The following KIAA1217 variants were observed in gnomAD, a reference collection of about 807,000 sequenced individuals.
The protein encoded by KIAA1217 is sickle tail protein homolog.
A neutral mutation model predicts 163.9 loss-of-function variants in KIAA1217; 88 were observed. That is an observed-to-expected ratio of 0.54 (90% CI 0.45 to 0.64). The LOEUF (loss-of-function observed/expected upper bound fraction) is 0.64. Among genes scored for constraint, KIAA1217 ranks in the 30% least tolerant of loss-of-function variants. The pLI is 0.00. For missense variants in KIAA1217, 2,372 were observed against 2,475.0 expected (o/e 0.96, Z 0.88); for synonymous variants, 903 against 923.1 (o/e 0.98, Z 0.39).
intron 2 of KIAA1217, among the ~76,000 whole-genome samples, chr10:24,273,429 G>A (rs148229326): frequency 3.9e-4 from 60 of 152,042 alleles, no homozygotes; most frequent in African/African-American, 1.4e-3. Flanking sequence ...TTATTTTTAT[G>A]TTCTTCCTTT....
chr10:23,878,971 G>A (rs891169472), intron 1 of KIAA1217, among the ~76,000 whole-genome samples: 4 of 151,930 alleles, frequency 2.6e-5, no homozygotes, highest in African/African-American at 7.2e-5. Context: ...AGAACATGTG[G>A]AATTGGGATA....
intron 2 of KIAA1217, among the ~76,000 whole-genome samples, chr10:24,043,860 G>A (rs952550108): frequency 2.6e-5 from 4 of 152,028 alleles, no homozygotes; most frequent in Admixed American, 6.6e-5. Flanking sequence ...TTTTTAAATA[G>A]ACTTAGTGGG....
intron 17 of KIAA1217, among the ~76,000 whole-genome samples, chr10:24,539,374 G>A (rs890633395): frequency 1.3e-5 from 2 of 151,904 alleles, no homozygotes; most frequent in African/African-American, 2.4e-5. Flanking sequence ...GACTACAGGC[G>A]TGCACCACCA....
intron 2 of KIAA1217, among the ~76,000 whole-genome samples, chr10:24,059,739 AG>A (rs1334377122): frequency 2.0e-5 from 3 of 151,986 alleles, no homozygotes; most frequent in Non-Finnish European, 4.4e-5. Flanking sequence ...CACTGCACCC[AG>A]GTTATTTTTT....
chr10:23,898,660 ATAT>A (rs1841815444), intron 1 of KIAA1217, among the ~76,000 whole-genome samples: 1 of 152,020 alleles, frequency 6.6e-6, no homozygotes, highest in East Asian at 1.9e-4. Flanking sequence ...ATATTGTTAA[ATAT>A]ATTCATATTG....
intron 1 of KIAA1217, among the ~76,000 whole-genome samples, chr10:24,006,357 T>C (rs1846997578): frequency 6.6e-6 from 1 of 152,148 alleles, no homozygotes; most frequent in South Asian, 2.1e-4. Context: ...TCATTTTCCT[T>C]CTCCTTAAAA....
intron 1 of KIAA1217, among the ~76,000 whole-genome samples, chr10:23,984,282 C>T (rs1845882897): frequency 2.0e-5 from 3 of 152,148 alleles, no homozygotes; most frequent in Admixed American, 2.0e-4. Context: ...TCTGTCTATT[C>T]CTGCCTATAT....
chr10:23,989,341 A>G (rs1157355474), intron 1 of KIAA1217, among the ~76,000 whole-genome samples: 1 of 152,234 alleles, frequency 6.6e-6, no homozygotes, highest in Non-Finnish European at 1.5e-5. Flanking sequence ...TCATAAAGAA[A>G]TGGAGACCCC....
chr10:24,434,025 C>CTTTTTTTT (rs569791889), intron 4 of KIAA1217, among the ~76,000 whole-genome samples: 2 of 72,628 alleles, frequency 2.8e-5, no homozygotes, highest in Non-Finnish European at 4.6e-5. Flanking sequence ...CTCTCTCTCT[C>CTTTTTTTT]TTTTTTTTTT....
At position 24,508,508 on chromosome 10, in the gene KIAA1217, GAAAT is replaced by G. The variant is rs2068667016; in HGVS notation, c.2002-4749_2002-4746del. Among the ~76,000 whole-genome samples, 5 of 152,116 alleles carry G rather than the reference GAAAT, an allele frequency of 3.3e-5. No individual in the cohort carries two copies. The South Asian group carries it at 1.0e-3, about 32-fold the overall frequency. ...AGCAAGTTCAGTATGGCTAGAGAAA[GAAAT>G]AGAGTCACACAAATCGAAATGTAAA... On this transcript the variant is annotated intron_variant, in intron 9 of 20. Transcript: ENST00000376454.
chr10:24,097,746 C>G (rs2062219261), intron 2 of KIAA1217, among the ~76,000 whole-genome samples: 2 of 152,212 alleles, frequency 1.3e-5, no homozygotes, highest in Admixed American at 1.3e-4. Context: ...ATTTCAAAGA[C>G]TGTCTGCATA....
chr10:24,203,052 T>C (rs2067349593), intron 2 of KIAA1217, among the ~76,000 whole-genome samples: 1 of 151,794 alleles, frequency 6.6e-6, no homozygotes, highest in African/African-American at 2.4e-5. Context: ...TAGCCAGGCA[T>C]GGTGGAGTGT....
At chr10:23,769,398 G>A (rs1834697625) in intron 1 of KIAA1217, among the ~76,000 whole-genome samples, 1 of 152,160 alleles carries the variant, frequency 6.6e-6, no homozygotes, top group Non-Finnish European at 1.5e-5. Context: ...AGCAATTGAG[G>A]GGAGGGGGGA....
chr10:24,436,496 C>T (rs983775913), intron 4 of KIAA1217, among the ~76,000 whole-genome samples: 11 of 149,796 alleles, frequency 7.3e-5, no homozygotes, highest in Non-Finnish European at 1.6e-4. Context: ...CTGTGGCTCA[C>T]GCCTGTAATC....
At chr10:23,864,981 T>C (rs1355148850) in intron 1 of KIAA1217, among the ~76,000 whole-genome samples, 4 of 152,182 alleles carry the variant, frequency 2.6e-5, no homozygotes, top group Non-Finnish European at 4.4e-5. Context: ...TCTGCTTTAT[T>C]AAAAATCTAC....
chr10:24,314,941 C>T (rs1055603144), intron 2 of KIAA1217, among the ~76,000 whole-genome samples: 1 of 150,774 alleles, frequency 6.6e-6, no homozygotes, highest in Non-Finnish European at 1.5e-5. Flanking sequence ...GAGACTGTCT[C>T]GAAAAAAAAA....
chr10:23,742,244 T>C (rs1177386061), intron 1 of KIAA1217, among the ~76,000 whole-genome samples: 3 of 151,978 alleles, frequency 2.0e-5, no homozygotes, highest in Admixed American at 1.3e-4. Flanking sequence ...CATCTATTGA[T>C]AGGGAGAAGT....
chr10:24,380,988 C>G lies in KIAA1217; in HGVS notation c.474C>G (p.Thr158=). ...CCATGTCTGAGGGGGATGCTCCAAC[C>G]CCTTTTTCCAGAGGCAGCCGGACTC... The part of the protein sequence containing the change: ...LEAMSEGDAP[T]PFSRGSRTRA... The change falls in exon 3 of 21, where the codon ACC becomes ACG. Residue 158 remains threonine (T), a synonymous_variant. Coordinates refer to ENST00000376454, the MANE Select transcript of KIAA1217 (RefSeq NM_019590.5). 1 of 1,608,896 alleles carries G rather than the reference C, an allele frequency of 6.2e-7. No homozygotes were observed. Among genetic ancestry groups the G allele is most frequent in the Non-Finnish European group, 8.5e-7 (1 of 1,177,286 alleles).
chr10:23,749,130 C>T (rs1017286374), intron 1 of KIAA1217, among the ~76,000 whole-genome samples: 12 of 151,746 alleles, frequency 7.9e-5, no homozygotes, highest in Middle Eastern at 3.4e-3. Context: ...TTCCTCACCA[C>T]GTAGACACAT....
Sources: allele counts gnomAD v4.1 joint callset (sites outside exome capture counted in the v4.1 genomes callset), GRCh38; gene constraint gnomAD v4.1.1; transcripts MANE v1.5; gene names NCBI Gene and HGNC (gene_info 2026-07-23, HGNC 2026-07-21).